SLA: variants seen among roughly 807,000 people sequenced by gnomAD.
SLA encodes Src like adaptor.
Under a neutral mutation model 30.3 loss-of-function variants are expected in SLA, and 16 were observed. The observed-to-expected ratio is 0.53, with a 90% CI of 0.36 to 0.80. The LOEUF (loss-of-function observed/expected upper bound fraction) is 0.80. Among genes scored for constraint, SLA ranks in the 30% least tolerant of loss-of-function variants. SLA has a pLI of 0.01. For synonymous variants in SLA, 143 were observed against 137.8 expected (o/e 1.04, Z -0.26); for missense variants, 310 against 345.2 (o/e 0.90, Z 0.81).
At chr8:133,086,421 G>A (rs2739171) in intron 1 of SLA, among the ~76,000 whole-genome samples, 69,347 of 151,944 alleles carry the variant, frequency 0.46, 16,202 homozygotes, top group African/African-American at 0.51. Context: ...TTGAAATACT[G>A]GATAAATGTT....
At chr8:133,057,237 C>T (rs1418392458) in intron 3 of SLA, among the ~76,000 whole-genome samples, 2 of 152,122 alleles carry the variant, frequency 1.3e-5, no homozygotes, top group African/African-American at 2.4e-5. Flanking sequence ...AAAAAGATCA[C>T]AGCAGAGAGA....
At chr8:133,044,863 A>G in intron 7 of SLA, 121 bp downstream of exon 7, 1 of 933,238 alleles carries the variant, frequency 1.1e-6, no homozygotes, top group Non-Finnish European at 1.7e-6. Flanking sequence ...GAGAGAGCAT[A>G]TCATGAAGGC....
At chr8:133,085,174 G>A (rs117588465) in intron 1 of SLA, among the ~76,000 whole-genome samples, 1 of 152,236 alleles carries the variant, frequency 6.6e-6, no homozygotes, top group Non-Finnish European at 1.5e-5. Flanking sequence ...AATATACCAA[G>A]GTATAATCTC....
At chr8:133,097,110 A>C (rs987465474) in intron 1 of SLA, among the ~76,000 whole-genome samples, 3 of 152,226 alleles carry the variant, frequency 2.0e-5, no homozygotes, top group Non-Finnish European at 4.4e-5. Flanking sequence ...AAGAGAGGAC[A>C]ACTCTGGGCG....
intron 1 of SLA, among the ~76,000 whole-genome samples, chr8:133,081,641 G>A (rs1845767499): frequency 6.6e-6 from 1 of 152,190 alleles, no homozygotes; most frequent in Non-Finnish European, 1.5e-5. Flanking sequence ...GCGAAGAGCT[G>A]CACAGATATG....
At chr8:133,068,532 T>C (rs1843439869) in intron 2 of SLA, among the ~76,000 whole-genome samples, 1 of 152,268 alleles carries the variant, frequency 6.6e-6, no homozygotes, top group South Asian at 2.1e-4. Context: ...CTGCTGTTTT[T>C]GTTTTTGTCT....
intron 3 of SLA, among the ~76,000 whole-genome samples, chr8:133,059,653 A>G (rs1216783643): frequency 6.6e-6 from 1 of 152,132 alleles, no homozygotes; most frequent in Non-Finnish European, 1.5e-5. Context: ...TAGAAAAGTA[A>G]CACAGATCCA....
In SLA at chr8:133,047,832, T is replaced by C; in HGVS notation, c.350A>G (p.Lys117Arg). 1 of 1,565,402 alleles carries C rather than the reference T, an allele frequency of 6.4e-7. No individual in the cohort carries two copies. The highest frequency in any genetic ancestry group is 1.1e-5 in the South Asian group (1 of 90,164). ...AAGATGAGTTGGGGGCCACTCACCT[T>C]TCTTGGTCTCACTCTCTCTGATCAT... ...SFMIRESETK[K>R]GFYSLSVRHR... The change falls in exon 6 of 9, where the codon AAA (lysine) becomes AGA (arginine). Residue 117 changes from lysine to arginine, a missense_variant and splice_region_variant. Lys to Arg is a conservative substitution (Grantham distance 26). Coordinates refer to ENST00000338087, the MANE Select transcript of SLA (RefSeq NM_001045556.3).
intron 1 of SLA, among the ~76,000 whole-genome samples, chr8:133,075,522 G>T (rs1266155937): frequency 6.6e-6 from 1 of 152,234 alleles, no homozygotes; most frequent in Non-Finnish European, 1.5e-5. Flanking sequence ...TGATAATACT[G>T]TTCCAGTCTT....
chr8:133,091,885 G>A (rs1461930846), intron 1 of SLA, among the ~76,000 whole-genome samples: 2 of 151,986 alleles, frequency 1.3e-5, no homozygotes, highest in Admixed American at 1.3e-4. Context: ...GTGTGAGTGT[G>A]TCTCTATCTA....
chr8:133,060,304 T>A (rs140708427), intron 2 of SLA, 104 bp from the exon 3 acceptor site: 1 of 1,569,114 alleles, frequency 6.4e-7, no homozygotes, highest in Admixed American at 1.9e-5. Context: ...TCTGGCAGCT[T>A]GCTTCTTGAA....
chr8:133,048,281 C>T (rs757153568), intron 5 of SLA, among the ~76,000 whole-genome samples: 19 of 152,182 alleles, frequency 1.2e-4, no homozygotes, highest in African/African-American at 3.9e-4. Context: ...AGAACAGTGG[C>T]GTGACCTTGG....
At chr8:133,080,914 A>T (rs1436057942) in intron 1 of SLA, among the ~76,000 whole-genome samples, 1 of 152,132 alleles carries the variant, frequency 6.6e-6, no homozygotes, top group Non-Finnish European at 1.5e-5. Flanking sequence ...TCAACCAACA[A>T]TGATTGCTCC....
At position 133,055,379 on chromosome 8, in the gene SLA, A is replaced by G. The variant is rs990328906; in HGVS notation, c.62-4464T>C. ...CACGCACGCGCGCACACACACACAC[A>G]CACACACACACACACACACACACAC... On this transcript the variant is annotated intron_variant, in intron 3 of 8. Coordinates refer to ENST00000338087, the MANE Select transcript of SLA (RefSeq NM_001045556.3). 1.4e-4 allele frequency among the ~76,000 whole-genome samples: 10 copies of G among 69,118 alleles called. No individual in the cohort carries two copies. The East Asian group carries it at 3.1e-3, about 21-fold the overall frequency. 45.3% of individuals were successfully genotyped at this position (69,118 alleles called of 152,430 possible).
chr8:133,070,421 C>T (rs1007378972), intron 2 of SLA, among the ~76,000 whole-genome samples: 30 of 152,296 alleles, frequency 2.0e-4, no homozygotes, highest in Middle Eastern at 3.4e-3. Flanking sequence ...ATCCACTATG[C>T]GGAGGGCCTA....
chr8:133,102,439 G>T, intron 1 of SLA, 114 bp downstream of exon 1: 1 of 900,150 alleles, frequency 1.1e-6, no homozygotes, highest in Non-Finnish European at 1.7e-6. Flanking sequence ...GACCAAAGAC[G>T]GAGGGTGGGT....
chr8:133,084,745 G>A (rs751078198), intron 1 of SLA, among the ~76,000 whole-genome samples: 13 of 152,250 alleles, frequency 8.5e-5, no homozygotes, highest in Admixed American at 5.2e-4. Flanking sequence ...AGACCCCTTA[G>A]AGCGCTCCCC....
At chr8:133,068,888 C>A (rs761711201) in intron 2 of SLA, among the ~76,000 whole-genome samples, 1 of 152,268 alleles carries the variant, frequency 6.6e-6, no homozygotes, top group Non-Finnish European at 1.5e-5. Context: ...CTCTGTTGGA[C>A]CAGAACAAAT....
intron 7 of SLA, among the ~76,000 whole-genome samples, chr8:133,041,351 T>C (rs1458142136): frequency 6.6e-6 from 1 of 152,246 alleles, no homozygotes; most frequent in African/African-American, 2.4e-5. Flanking sequence ...ACACTCAGTC[T>C]GTCACAGGGC....
Sources: gnomAD v4.1 joint callset for allele counts (sites outside exome capture counted in the v4.1 genomes callset) on GRCh38, gnomAD v4.1.1 for gene constraint, MANE v1.5 for transcripts, NCBI Gene and HGNC (gene_info 2026-07-23, HGNC 2026-07-21) for gene names.